CELF4: variants seen among roughly 807,000 people sequenced by gnomAD.
CELF4 encodes CUG-BP- and ETR-3-like factor 4.
A neutral mutation model predicts 59.9 loss-of-function variants in CELF4; 18 were observed. That is an observed-to-expected ratio of 0.30 (90% CI 0.21 to 0.45). The LOEUF is 0.45. Among genes scored for constraint, CELF4 ranks in the 20% least tolerant of loss-of-function variants. The probability of loss-of-function intolerance (pLI) is 1.00; values close to 1 mark genes in which losing one functional copy is unlikely to be tolerated. For missense variants in CELF4, 456 were observed against 689.0 expected, an observed-to-expected ratio of 0.66 and a Z score of 3.79; for synonymous variants, 261 against 267.1, an observed-to-expected ratio of 0.98 and a Z score of 0.22.
At chr18:37,364,380 C>T (rs1295910551) in intron 2 of CELF4, among the ~76,000 whole-genome samples, 1 of 152,172 alleles carries the variant, frequency 6.6e-6, no homozygotes, top group African/African-American at 2.4e-5. Context: ...AGGAATTGGC[C>T]CCATTCCCAG....
chr18:37,533,058 G>A (rs1251176223), intron 1 of CELF4, among the ~76,000 whole-genome samples: 4 of 152,320 alleles, frequency 2.6e-5, no homozygotes, highest in African/African-American at 9.6e-5. Context: ...GCTTACTGGC[G>A]TGGGCGGCCA....
chr18:37,445,871 C>G (rs1310074806), intron 2 of CELF4, among the ~76,000 whole-genome samples: 1 of 152,152 alleles, frequency 6.6e-6, no homozygotes, highest in Non-Finnish European at 1.5e-5. Context: ...TTCTCTGTCT[C>G]CCACCACCAC....
At chr18:37,407,159 T>C (rs920962485) in intron 2 of CELF4, among the ~76,000 whole-genome samples, 8 of 152,192 alleles carry the variant, frequency 5.3e-5, no homozygotes, top group Admixed American at 1.3e-4. Flanking sequence ...ACAGAGAGGA[T>C]GATATTATCT....
chr18:37,539,724 C>T (rs190562685), intron 1 of CELF4, among the ~76,000 whole-genome samples: 1 of 152,254 alleles, frequency 6.6e-6, no homozygotes, highest in East Asian at 1.9e-4. Flanking sequence ...CACTGTAGCC[C>T]CTCTTTACTT....
At chr18:37,511,256 G>T (rs1733292879) in intron 1 of CELF4, among the ~76,000 whole-genome samples, 1 of 152,134 alleles carries the variant, frequency 6.6e-6, no homozygotes, top group African/African-American at 2.4e-5. Context: ...CCACAGGCAG[G>T]CTCTTTGTTC....
chr18:37,349,690 C>A (rs1207486489), intron 2 of CELF4, among the ~76,000 whole-genome samples: 1 of 152,174 alleles, frequency 6.6e-6, no homozygotes, highest in Non-Finnish European at 1.5e-5. Flanking sequence ...CAGCGTGGGC[C>A]AGCCCATCGG....
intron 1 of CELF4, among the ~76,000 whole-genome samples, chr18:37,488,170 C>A (rs555503621): frequency 6.6e-6 from 1 of 152,134 alleles, no homozygotes; most frequent in South Asian, 2.1e-4. Context: ...CAAATGAGAC[C>A]TCCTCAGAGA....
intron 2 of CELF4, among the ~76,000 whole-genome samples, chr18:37,410,923 C>T (rs1469458546): frequency 1.3e-5 from 2 of 152,168 alleles, no homozygotes; most frequent in African/African-American, 4.8e-5. Context: ...CCGTGAGATC[C>T]AGAGATGGGG....
chr18:37,275,604 GCGTTCCCCTC>G, intron 3 of CELF4: 2 of 269,144 alleles, frequency 7.4e-6, no homozygotes, highest in Non-Finnish European at 1.4e-5. Context: ...CGGGCAGCCT[GCGTTCCCCTC>G]CTCCTTCGTC....
intron 2 of CELF4, among the ~76,000 whole-genome samples, chr18:37,466,533 G>T (rs933357864): frequency 2.0e-5 from 3 of 152,140 alleles, no homozygotes; most frequent in Non-Finnish European, 4.4e-5. Flanking sequence ...CAGGATGTCT[G>T]CTTAGGGACT....
At chr18:37,478,580 G>T (rs1280840702) in intron 2 of CELF4, among the ~76,000 whole-genome samples, 3 of 152,140 alleles carry the variant, frequency 2.0e-5, no homozygotes, top group African/African-American at 7.2e-5. Flanking sequence ...AAAGTGGGCC[G>T]TCTAGGAGGG....
intron 1 of CELF4, among the ~76,000 whole-genome samples, chr18:37,518,473 A>G (rs946077239): frequency 3.9e-5 from 6 of 152,204 alleles, no homozygotes; most frequent in Non-Finnish European, 7.3e-5. Context: ...TGACACAGAG[A>G]TAAACAGACA....
intron 1 of CELF4, among the ~76,000 whole-genome samples, chr18:37,544,320 C>T (rs1011336330): frequency 6.6e-6 from 1 of 152,120 alleles, no homozygotes; most frequent in African/African-American, 2.4e-5. Context: ...TGAGGCCGAC[C>T]AGTAGGTAAA....
At chr18:37,424,760 C>A (rs1786789) in intron 2 of CELF4, among the ~76,000 whole-genome samples, 3 of 151,990 alleles carry the variant, frequency 2.0e-5, no homozygotes, top group Admixed American at 1.3e-4. Context: ...GCCTCCTCCC[C>A]CTACCCTTCT....
chr18:37,480,041 C>G (rs563168456), intron 2 of CELF4, among the ~76,000 whole-genome samples: 2 of 152,318 alleles, frequency 1.3e-5, no homozygotes, highest in South Asian at 4.1e-4. Flanking sequence ...CAGAAAGAAC[C>G]AACTCTGCCA....
intron 3 of CELF4, among the ~76,000 whole-genome samples, chr18:37,295,683 C>G (rs1360535249): frequency 6.6e-6 from 1 of 152,216 alleles, no homozygotes; most frequent in Non-Finnish European, 1.5e-5. Flanking sequence ...TACAATCAAA[C>G]AGTTAGTAAT....
chr18:37,522,148 C>G (rs1014145799), intron 1 of CELF4, among the ~76,000 whole-genome samples: 2 of 149,572 alleles, frequency 1.3e-5, no homozygotes, highest in African/African-American at 2.6e-5. Flanking sequence ...ATGCCCAGCA[C>G]ACACAGTAAT....
Position 37,551,398 on chromosome 18 carries a change from T to C in CELF4, c.286+13958A>G, listed in dbSNP as rs554948998. ...CACTGCTCTCCTGCAGTAAAAAATG[T>C]CTGCTCAGGACGTTGCCCAGGTGTG... On this transcript the variant is annotated intron_variant, in intron 1 of 12. Transcript: ENST00000420428. 5.6e-4 allele frequency among the ~76,000 whole-genome samples: 85 copies of C among 152,338 alleles called. 1 individual carries two copies. The highest frequency in any genetic ancestry group is 1.9e-3 in the African/African-American group (80 of 41,578).
chr18:37,314,063 A>G (rs1259795792), intron 3 of CELF4, among the ~76,000 whole-genome samples: 1 of 152,156 alleles, frequency 6.6e-6, no homozygotes, highest in Non-Finnish European at 1.5e-5. Flanking sequence ...CAACCCTCTC[A>G]TGCCTTCCTC....
Sources: allele counts gnomAD v4.1 joint callset (sites outside exome capture counted in the v4.1 genomes callset), GRCh38; gene constraint gnomAD v4.1.1; transcripts MANE v1.5; gene names NCBI Gene and HGNC (gene_info 2026-07-23, HGNC 2026-07-21).